The following MEGF11 variants were observed in gnomAD, a reference collection of about 807,000 sequenced individuals.
The protein encoded by MEGF11 is multiple epidermal growth factor-like domains protein 11.
A neutral mutation model predicts 146.6 loss-of-function variants in MEGF11; 126 were observed. The observed-to-expected ratio is 0.86, with a 90% confidence interval of 0.74 to 1.00. The LOEUF (loss-of-function observed/expected upper bound fraction) is 1.00, where lower values mean the gene tolerates loss of function less well. Among genes scored for constraint, MEGF11 ranks in the 50% least tolerant of loss-of-function variants. The pLI, the probability that MEGF11 is intolerant of heterozygous loss-of-function variation, is 0.00. For synonymous variants in MEGF11, 532 were observed against 583.4 expected, an observed-to-expected ratio of 0.91 and a Z score of 1.27; for missense variants, 1,509 against 1,521.2, an observed-to-expected ratio of 0.99 and a Z score of 0.13.
At chr15:66,187,622 C>T (rs1260371755) in intron 1 of MEGF11, among the ~76,000 whole-genome samples, 1 of 152,210 alleles carries the variant, frequency 6.6e-6, no homozygotes, top group African/African-American at 2.4e-5. Context: ...CACGGTCTCT[C>T]CTACCTGGGA....
intron 1 of MEGF11, among the ~76,000 whole-genome samples, chr15:66,193,307 G>T (rs1348770820): frequency 6.6e-6 from 1 of 152,142 alleles, no homozygotes; most frequent in African/African-American, 2.4e-5. Context: ...CTCAGTGACT[G>T]CCTGGACCCT....
intron 1 of MEGF11, among the ~76,000 whole-genome samples, chr15:66,178,724 C>T (rs191454149): frequency 1.4e-4 from 21 of 152,278 alleles, no homozygotes; most frequent in African/African-American, 4.8e-4. Context: ...TCACCCGGGT[C>T]CTGGGTCCCA....
chr15:66,039,317 T>C (rs148998439), intron 5 of MEGF11, among the ~76,000 whole-genome samples: 174 of 152,226 alleles, frequency 1.1e-3, no homozygotes, highest in Admixed American at 2.7e-3. Context: ...GGGAGAGGCT[T>C]TGCTCAGAGC....
At chr15:66,011,610 A>T (rs1296583046) in intron 5 of MEGF11, among the ~76,000 whole-genome samples, 1 of 151,986 alleles carries the variant, frequency 6.6e-6, no homozygotes, top group East Asian at 1.9e-4. Context: ...TCCCCATCTG[A>T]AGTGGATCCT....
intron 1 of MEGF11, among the ~76,000 whole-genome samples, chr15:66,220,173 T>C (rs2091696376): frequency 6.6e-6 from 1 of 152,030 alleles, no homozygotes; most frequent in Non-Finnish European, 1.5e-5. Context: ...CCCTAGAACC[T>C]CCAGTACCTT....
intron 11 of MEGF11, among the ~76,000 whole-genome samples, chr15:65,930,318 C>T (rs761308157): frequency 3.9e-5 from 6 of 152,150 alleles, no homozygotes; most frequent in Non-Finnish European, 7.4e-5. Context: ...GCTGCACATC[C>T]CAGGCTCCCC....
At chr15:66,067,656 A>C (rs760715199) in intron 5 of MEGF11, among the ~76,000 whole-genome samples, 31 of 152,274 alleles carry the variant, frequency 2.0e-4, no homozygotes, top group Admixed American at 6.5e-4. Flanking sequence ...TGTAGGGAGG[A>C]ATGACATCAA....
chr15:66,106,493 C>T (rs968329817), intron 4 of MEGF11, among the ~76,000 whole-genome samples: 6 of 152,144 alleles, frequency 3.9e-5, no homozygotes, highest in Non-Finnish European at 8.8e-5. Flanking sequence ...TCTTTACATA[C>T]CGTCACTTAC....
intron 2 of MEGF11, among the ~76,000 whole-genome samples, chr15:66,124,394 C>A (rs980397368): frequency 6.6e-6 from 1 of 152,178 alleles, no homozygotes; most frequent in African/African-American, 2.4e-5. Context: ...GGAAGCTGGT[C>A]TTTGCAGCAA....
In MEGF11 at chr15:65,955,490, T is replaced by A. The variant is rs112794725; in HGVS notation, c.1287+2057A>T. On this transcript the variant is annotated intron_variant, in intron 10 of 25. Coordinates refer to ENST00000395614, the MANE Select transcript of MEGF11 (RefSeq NM_001385028.1). ...CAGAAGTGGTGGCTCATGCCTGTAA[T>A]CTCAGCACTTTGGGAGGCCAAGGTA... Among the ~76,000 whole-genome samples, 608 of 150,090 alleles carry A rather than the reference T, an allele frequency of 4.1e-3. 5 individuals are homozygous for A. Among genetic ancestry groups the A allele is most frequent in the African/African-American group, 0.014 (591 of 41,008 alleles).
intron 5 of MEGF11, among the ~76,000 whole-genome samples, chr15:65,996,388 G>A (rs28564180): frequency 0.073 from 11,129 of 152,086 alleles, 495 homozygotes; most frequent in African/African-American, 0.11. Context: ...CTCACTTTAT[G>A]TAGCCCTTCT....
chr15:66,015,349 A>G (rs2082851654), intron 5 of MEGF11, among the ~76,000 whole-genome samples: 1 of 152,212 alleles, frequency 6.6e-6, no homozygotes, highest in South Asian at 2.1e-4. Flanking sequence ...GCTAGATCTG[A>G]ATCCAGATTC....
intron 5 of MEGF11, among the ~76,000 whole-genome samples, chr15:66,002,169 G>C (rs2082387237): frequency 6.6e-6 from 1 of 152,188 alleles, no homozygotes; most frequent in Non-Finnish European, 1.5e-5. Flanking sequence ...GGCTTCTGTT[G>C]CTTAATGAGC....
intron 1 of MEGF11, among the ~76,000 whole-genome samples, chr15:66,225,395 T>G (rs1007259210): frequency 6.6e-5 from 10 of 152,238 alleles, no homozygotes; most frequent in African/African-American, 2.4e-4. Context: ...AGGATGCTGT[T>G]CTCCGTAGGT....
At chr15:65,944,455 G>A (rs916520532) in intron 10 of MEGF11, among the ~76,000 whole-genome samples, 6 of 152,180 alleles carry the variant, frequency 3.9e-5, no homozygotes, top group African/African-American at 1.4e-4. Flanking sequence ...CACGTGGGTT[G>A]GGGGGCTGCA....
rs185615396 is a variant in MEGF11 at position 65,907,179 on chromosome 15, C to T, written c.2999-1038G>A. On this transcript the variant is annotated intron_variant, in intron 23 of 25. Transcript: ENST00000395614. ...CCACCCTGTTGCTATCGCTCCTCTACGTAGAGTTCCCATGTTGAATTTGAA... is the reference window on the plus strand; with the variant it reads ...CCACCCTGTTGCTATCGCTCCTCTATGTAGAGTTCCCATGTTGAATTTGAA... Among the ~76,000 whole-genome samples, 224 of 152,318 alleles carry T rather than the reference C, an allele frequency of 1.5e-3. 2 individuals carry two copies. Among genetic ancestry groups the T allele is most frequent in the Non-Finnish European group, 5.3e-4 (36 of 68,038 alleles).
intron 1 of MEGF11, among the ~76,000 whole-genome samples, chr15:66,151,472 T>G (rs2089570278): frequency 1.3e-5 from 2 of 152,052 alleles, no homozygotes; most frequent in African/African-American, 4.8e-5. Flanking sequence ...CACGGACAGA[T>G]CCCTCCCCAT....
intron 13 of MEGF11, among the ~76,000 whole-genome samples, chr15:65,925,754 A>T (rs2079350902): frequency 6.6e-6 from 1 of 152,066 alleles, no homozygotes; most frequent in African/African-American, 2.4e-5. Context: ...GAATCCATAC[A>T]TGTTGATCTC....
intron 5 of MEGF11, among the ~76,000 whole-genome samples, chr15:66,063,243 G>C (rs936255107): frequency 2.0e-5 from 3 of 152,156 alleles, no homozygotes; most frequent in Admixed American, 2.0e-4. Flanking sequence ...TCATTTCTAA[G>C]TGGCCCCTGG....
Sources: gnomAD v4.1 joint callset for allele counts (sites outside exome capture counted in the v4.1 genomes callset) on GRCh38, gnomAD v4.1.1 for gene constraint, MANE v1.5 for transcripts, NCBI Gene and HGNC (gene_info 2026-07-23, HGNC 2026-07-21) for gene names.